The following CDH3 variants were observed in gnomAD, a reference collection of about 807,000 sequenced individuals.
CDH3 encodes cadherin-3.
CDH3 carries 54 observed loss-of-function variants against 82.0 expected under a neutral mutation model. That is an observed-to-expected ratio of 0.66 (90% CI 0.53 to 0.83). The LOEUF is 0.83. Ranked by LOEUF, CDH3 falls within the 40% of genes least tolerant of loss-of-function variation. The pLI is 0.00. For missense variants in CDH3, 1,054 were observed against 1,084.6 expected (o/e 0.97, Z 0.40); for synonymous variants, 446 against 437.9 (o/e 1.02, Z -0.23).
intron 2 of CDH3, among the ~76,000 whole-genome samples, chr16:68,654,716 AT>A (rs1479733496): frequency 9.0e-5 from 7 of 77,746 alleles, no homozygotes; most frequent in East Asian, 6.7e-4. Context: ...AAAAAAAAAT[AT>A]ATATATATAT....
intron 1 of CDH3, among the ~76,000 whole-genome samples, chr16:68,716,824 A>G (rs1962100494): frequency 6.6e-6 from 1 of 151,606 alleles, no homozygotes; most frequent in Non-Finnish European, 1.5e-5. Context: ...CCCGGGCTCA[A>G]GTGATCCTCC....
At chr16:68,689,716 T>A (rs1443142176) in intron 12 of CDH3, among the ~76,000 whole-genome samples, 26 of 152,034 alleles carry the variant, frequency 1.7e-4, no homozygotes, top group Admixed American at 1.7e-3. Context: ...TGTCTCTGCC[T>A]CCTGGCACTA....
chr16:68,704,058 G>A (rs572582051), downstream of CDH3, among the ~76,000 whole-genome samples: 46 of 152,200 alleles, frequency 3.0e-4, no homozygotes, highest in Admixed American at 1.5e-3. Context: ...AGGCCGAGGC[G>A]GGCGGATCAC....
chr16:68,680,430 G>C (rs991256079), intron 7 of CDH3, among the ~76,000 whole-genome samples: 2 of 152,200 alleles, frequency 1.3e-5, no homozygotes, highest in African/African-American at 4.8e-5. Context: ...TGTAATCTCA[G>C]CACTTTGGGA....
At chr16:68,704,780 C>T (rs1039475027), downstream of CDH3, among the ~76,000 whole-genome samples, 3 of 152,186 alleles carry the variant, frequency 2.0e-5, no homozygotes, top group Non-Finnish European at 2.9e-5. Context: ...TGCAGCCAGG[C>T]GTGATGGCTC....
intron 2 of CDH3, among the ~76,000 whole-genome samples, chr16:68,650,662 T>C (rs1374970236): frequency 1.3e-5 from 2 of 152,006 alleles, no homozygotes; most frequent in African/African-American, 2.4e-5. Context: ...ACTGATCGGC[T>C]GACAAAAGGG....
chr16:68,646,038 G>T (rs1960049393), intron 2 of CDH3: 1 of 464,338 alleles, frequency 2.2e-6, no homozygotes, highest in Non-Finnish European at 3.9e-6. Context: ...CTCGACGTGG[G>T]AAGTTCTCCC....
chr16:68,698,240 T>G lies in CDH3; in HGVS notation c.2330T>G (p.Leu777Arg), dbSNP rs754005626. The G allele has an allele frequency of 6.2e-7, 1 of 1,614,160 alleles. No individual in the cohort carries two copies. The highest frequency in any genetic ancestry group is 1.1e-5 in the South Asian group (1 of 91,078). The part of the protein sequence containing the change: ...TDPTAPPYDT[L>R]LVFDYEGSGS... ...CCCACAGCCCCGCCCTACGACACCCTCTTGGTGTTCGACTATGAGGGCAGC... is the reference window on the plus strand; with the variant it reads ...CCCACAGCCCCGCCCTACGACACCCGCTTGGTGTTCGACTATGAGGGCAGC... Residue 777 changes from leucine (L) to arginine (R), a missense_variant, in exon 16 of 16, where the codon CTC (leucine) becomes CGC (arginine). Coordinates refer to ENST00000264012, the MANE Select transcript of CDH3 (RefSeq NM_001793.6).
At chr16:68,648,892 A>AT (rs1320024048) in intron 2 of CDH3, among the ~76,000 whole-genome samples, 1 of 131,442 alleles carries the variant, frequency 7.6e-6, no homozygotes, top group Non-Finnish European at 1.6e-5. Flanking sequence ...TAATTGTAGG[A>AT]TTTTCCAGAA....
At chr16:68,652,365 C>T (rs16958241) in intron 2 of CDH3, among the ~76,000 whole-genome samples, 4,055 of 152,200 alleles carry the variant, frequency 0.027, 173 homozygotes, top group African/African-American at 0.092. Flanking sequence ...CCACTGTGTT[C>T]CTAGGTTACC....
chr16:68,653,668 ATTTCT>A (rs1462368111), intron 2 of CDH3, among the ~76,000 whole-genome samples: 88 of 149,058 alleles, frequency 5.9e-4, no homozygotes, highest in Non-Finnish European at 8.9e-4. Context: ...AGGGCCCTGA[ATTTCT>A]TTTCTTTTCT....
intron 2 of CDH3, among the ~76,000 whole-genome samples, chr16:68,652,957 C>T (rs1960292501): frequency 6.6e-6 from 1 of 152,146 alleles, no homozygotes; most frequent in South Asian, 2.1e-4. Flanking sequence ...CAGTAGTTTC[C>T]ATTTTGTGCA....
At chr16:68,726,265 CAAA>C in intron 2 of CDH3, among the ~76,000 whole-genome samples, 1 of 152,042 alleles carries the variant, frequency 6.6e-6, no homozygotes, top group East Asian at 1.9e-4. Flanking sequence ...GCCAGAGGAC[CAAA>C]TGCCCCTCTG....
intron 15 of CDH3, among the ~76,000 whole-genome samples, chr16:68,697,869 T>C (rs1597822544): frequency 1.3e-5 from 2 of 152,224 alleles, no homozygotes; most frequent in East Asian, 1.9e-4. Flanking sequence ...AAAAAAACTA[T>C]TGTCATTTTA....
intron 11 of CDH3, among the ~76,000 whole-genome samples, chr16:68,685,746 A>G (rs4783662): frequency 0.62 from 94,206 of 152,128 alleles, 29,373 homozygotes; most frequent in African/African-American, 0.67. Context: ...GGTGGAGGCT[A>G]CAGTGAGCCA....
chr16:68,717,557 G>A (rs1332179986), intron 1 of CDH3, among the ~76,000 whole-genome samples: 2 of 152,138 alleles, frequency 1.3e-5, no homozygotes, highest in African/African-American at 4.8e-5. Flanking sequence ...CAGATCACTT[G>A]AGGTCAGGAG....
chr16:68,718,824 A>G (rs1962124678), intron 1 of CDH3, among the ~76,000 whole-genome samples: 1 of 152,210 alleles, frequency 6.6e-6, no homozygotes, highest in Non-Finnish European at 1.5e-5. Context: ...AGACGCATAC[A>G]TGTTCCTAGA....
At chr16:68,678,365 G>T in intron 4 of CDH3, 88 bp downstream of exon 4, 1 of 1,590,582 alleles carries the variant, frequency 6.3e-7, no homozygotes, top group Non-Finnish European at 8.6e-7. Flanking sequence ...TACTGAATGT[G>T]GGGGCTGAGA....
intron 2 of CDH3, among the ~76,000 whole-genome samples, chr16:68,667,915 C>T (rs1960781976): frequency 6.6e-6 from 1 of 152,122 alleles, no homozygotes; most frequent in African/African-American, 2.4e-5. Context: ...TTTATTTTTA[C>T]CTATAATGTG....
Sources: allele counts gnomAD v4.1 joint callset (sites outside exome capture counted in the v4.1 genomes callset), GRCh38; gene constraint gnomAD v4.1.1; transcripts MANE v1.5; gene names NCBI Gene and HGNC (gene_info 2026-07-23, HGNC 2026-07-21).